HAUS6: variants seen among roughly 807,000 people sequenced by gnomAD.
The protein encoded by HAUS6 is HAUS augmin like complex subunit 6.
A neutral mutation model predicts 106.8 loss-of-function variants in HAUS6; 80 were observed. That is an observed-to-expected ratio of 0.75 (90% CI 0.63 to 0.90). The LOEUF is 0.90. Among genes scored for constraint, HAUS6 ranks in the 40% least tolerant of loss-of-function variants. The pLI, the probability that HAUS6 is intolerant of heterozygous loss-of-function variation, is 0.00. For synonymous variants in HAUS6, 356 were observed against 379.1 expected (o/e 0.94, Z 0.71); for missense variants, 1,155 against 1,118.1 (o/e 1.03, Z -0.47).
chr9:19,064,117 G>A (rs1177313236), intron 12 of HAUS6, among the ~76,000 whole-genome samples: 3 of 152,098 alleles, frequency 2.0e-5, no homozygotes, highest in Non-Finnish European at 4.4e-5. Context: ...ACAGGCATGC[G>A]CCACAACACC....
intron 12 of HAUS6, among the ~76,000 whole-genome samples, chr9:19,065,271 C>T (rs940020741): frequency 2.6e-5 from 4 of 152,198 alleles, no homozygotes; most frequent in Non-Finnish European, 5.9e-5. Flanking sequence ...TATACTTCGT[C>T]CATTTGCCAT....
rs201738478 is a variant in HAUS6 at position 19,087,182 on chromosome 9, A to G, written c.585-26T>C. On this transcript the variant is annotated intron_variant, in intron 5 of 16. Coordinates refer to ENST00000380502, the MANE Select transcript of HAUS6 (RefSeq NM_017645.5). The stretch of plus-strand genomic sequence containing the variant: ...CTGCAAGAAAACATACAAAATGACA[A>G]CTATAATACCATTACGATTAATTAG... The G allele has an allele frequency of 1.1e-4, 136 of 1,233,860 alleles. 1 individual carries two copies. The East Asian group carries it at 2.9e-3, about 26-fold the overall frequency. The allele number at this position is 1,233,860 out of a possible 1,614,324, so 76.4% of individuals were successfully genotyped here.
chr9:19,062,201 A>G (rs1430224571), intron 14 of HAUS6, among the ~76,000 whole-genome samples: 1 of 152,238 alleles, frequency 6.6e-6, no homozygotes, highest in Non-Finnish European at 1.5e-5. Context: ...AATCAAGTTC[A>G]TGAACAACAA....
intron 11 of HAUS6, among the ~76,000 whole-genome samples, chr9:19,076,353 C>CA (rs201645684): frequency 6.7e-5 from 10 of 148,970 alleles, no homozygotes; most frequent in East Asian, 3.9e-4. Flanking sequence ...GACCCTGTCT[C>CA]AAAAAAAAAT....
At chr9:19,098,737 G>C (rs202224242) in intron 1 of HAUS6, among the ~76,000 whole-genome samples, 2 of 142,098 alleles carry the variant, frequency 1.4e-5, no homozygotes, top group African/African-American at 5.2e-5. Flanking sequence ...TTTAAAAAAA[G>C]TGGAGCCGGG....
intron 4 of HAUS6, among the ~76,000 whole-genome samples, chr9:19,089,843 GT>G (rs1817707148): frequency 6.6e-6 from 1 of 151,956 alleles, no homozygotes; most frequent in Non-Finnish European, 1.5e-5. Context: ...ATTTTGGGTT[GT>G]TTTTTTGAGA....
At chr9:19,078,341 C>CA (rs201188409) in intron 9 of HAUS6, 39 bp from the exon 10 acceptor site, 3 of 1,183,002 alleles carry the variant, frequency 2.5e-6, no homozygotes, top group South Asian at 1.4e-5. Flanking sequence ...AAAGATGATA[C>CA]AAAAAAAGCA....
At chr9:19,073,642 CAA>C (rs1169227581) in intron 11 of HAUS6, among the ~76,000 whole-genome samples, 16 of 82,616 alleles carry the variant, frequency 1.9e-4, no homozygotes, top group Admixed American at 7.8e-4. Context: ...AGTGGATCTC[CAA>C]AAAAAAAAAA....
chr9:19,064,812 A>G (rs932284027), intron 12 of HAUS6, among the ~76,000 whole-genome samples: 2 of 152,226 alleles, frequency 1.3e-5, no homozygotes, highest in Non-Finnish European at 2.9e-5. Flanking sequence ...AGCATTGACA[A>G]AATATAATCC....
At chr9:19,091,026 C>G (rs920046885) in intron 4 of HAUS6, among the ~76,000 whole-genome samples, 1 of 152,106 alleles carries the variant, frequency 6.6e-6, no homozygotes, top group Non-Finnish European at 1.5e-5. Flanking sequence ...ATTGGCCGGG[C>G]GCAGTGGCTC....
intron 9 of HAUS6, among the ~76,000 whole-genome samples, chr9:19,079,214 T>G (rs998248316): frequency 2.0e-5 from 3 of 151,016 alleles, no homozygotes; most frequent in African/African-American, 7.3e-5. Context: ...ATTACTCCAT[T>G]TTATTATTTT....
intron 14 of HAUS6, among the ~76,000 whole-genome samples, chr9:19,060,966 A>T (rs1331985871): frequency 6.6e-6 from 1 of 152,192 alleles, no homozygotes; most frequent in Non-Finnish European, 1.5e-5. Context: ...GTTCAAGACC[A>T]GCCTGACCAA....
Position 19,102,577 on chromosome 9 carries a change from T to C in HAUS6, c.75A>G (p.Pro25=). The C allele has an allele frequency of 6.2e-7, 1 of 1,613,930 alleles. No homozygotes were observed. The highest frequency in any genetic ancestry group is 8.5e-7 in the Non-Finnish European group (1 of 1,179,918). ...TTCCGCAGGCAATGGTTGCCGGGCCTGGCTCGAAGCCGAGCGCCTGCAGAT... is the reference window on the plus strand; with the variant it reads ...TTCCGCAGGCAATGGTTGCCGGGCCCGGCTCGAAGCCGAGCGCCTGCAGAT... The part of the protein sequence containing the change: ...WMYLQALGFE[P]GPATIACGKI... The change falls in exon 1 of 17, where the codon CCA becomes CCG. Residue 25 remains proline (P), a synonymous_variant. Transcript: ENST00000380502.
In HAUS6 at chr9:19,058,225, T is replaced by C. The variant is rs774757352; in HGVS notation, c.2542A>G (p.Arg848Gly). Residue 848 changes from arginine to glycine, a missense_variant, in exon 16 of 17, where the codon AGG (arginine) becomes GGG (glycine). By Grantham distance (125) the Arg-to-Gly change is moderately radical (BLOSUM62 -2). Coordinates refer to ENST00000380502, the MANE Select transcript of HAUS6 (RefSeq NM_017645.5). Reference protein sequence around the residue: ...EALKKSLSKKREESYLSNSQT... With the variant: ...EALKKSLSKKGEESYLSNSQT... ...GAATTCGAGAGGTAAGATTCTTCCC[T>C]TTTCTTGGAAAGAGATTTCTTCAGA... 7.4e-6 allele frequency: 12 copies of C among 1,613,904 alleles called. No homozygotes were observed. The African/African-American group carries it at 1.3e-4, about 18-fold the overall frequency.
rs551654653 is a variant in HAUS6, at chr9:19,096,036, C to G, written c.224+638G>C. 4.8e-4 allele frequency among the ~76,000 whole-genome samples: 73 copies of G among 152,158 alleles called. 1 individual carries two copies. Among genetic ancestry groups the G allele is most frequent in the Non-Finnish European group, 9.6e-4 (65 of 67,976 alleles). On this transcript the variant is annotated intron_variant, in intron 2 of 16. Transcript: ENST00000380502. ...AAAATTGGGCAAAATCAAGTTCATACGGATTGATATCATTTAATTGTTTTG... is the reference window on the plus strand; with the variant it reads ...AAAATTGGGCAAAATCAAGTTCATAGGGATTGATATCATTTAATTGTTTTG...
At chr9:19,082,757 AAAAAC>A in intron 8 of HAUS6, 111 bp downstream of exon 8, 3 of 403,454 alleles carry the variant, frequency 7.4e-6, no homozygotes, top group Admixed American at 5.7e-5. Flanking sequence ...GTCTCAAAAA[AAAAAC>A]AAAAAACAAA....
intron 14 of HAUS6, among the ~76,000 whole-genome samples, chr9:19,061,118 C>T (rs113696682): frequency 9.2e-5 from 14 of 152,300 alleles, no homozygotes; most frequent in African/African-American, 2.6e-4. Flanking sequence ...GAGCCAAGAT[C>T]GTGCCATTGC....
At chr9:19,067,932 G>A (rs1391125837) in intron 12 of HAUS6, among the ~76,000 whole-genome samples, 2 of 151,842 alleles carry the variant, frequency 1.3e-5, no homozygotes, top group Non-Finnish European at 2.9e-5. Context: ...GACCTCAGGT[G>A]AGCCACCCAC....
intron 12 of HAUS6, 123 bp downstream of exon 12, chr9:19,070,096 A>T: frequency 3.1e-6 from 2 of 639,090 alleles, no homozygotes; most frequent in South Asian, 3.8e-5. Context: ...GTAATACAGA[A>T]AAGTTCTCCA....
Sources: allele counts gnomAD v4.1 joint callset (sites outside exome capture counted in the v4.1 genomes callset), GRCh38; gene constraint gnomAD v4.1.1; transcripts MANE v1.5; gene names NCBI Gene and HGNC (gene_info 2026-07-23, HGNC 2026-07-21).